The following PALLD variants were observed in gnomAD, a reference collection of about 807,000 sequenced individuals.
PALLD encodes the protein palladin, cytoskeletal associated protein, also known as palladin.
PALLD carries 61 observed loss-of-function variants against 123.5 expected under a neutral mutation model. That is an observed-to-expected ratio of 0.49 (90% CI 0.40 to 0.61). The LOEUF (loss-of-function observed/expected upper bound fraction) is 0.61, where lower values mean the gene tolerates loss of function less well. Ranked by LOEUF, PALLD falls within the 20% of genes least tolerant of loss-of-function variation. The pLI is 0.00. For missense variants in PALLD, 1,273 were observed against 1,377.0 expected (o/e 0.92, Z 1.20); for synonymous variants, 465 against 496.4 (o/e 0.94, Z 0.84).
intron 13 of PALLD, 116 bp downstream of exon 13, chr4:168,896,715 T>A: frequency 3.0e-6 from 2 of 663,934 alleles, no homozygotes; most frequent in South Asian, 3.7e-5. Context: ...ATAAATGCTA[T>A]GACCAGTGTC....
chr4:168,720,133 A>C (rs1386262468), intron 10 of PALLD, among the ~76,000 whole-genome samples: 1 of 152,210 alleles, frequency 6.6e-6, no homozygotes, highest in East Asian at 1.9e-4. Flanking sequence ...ACCTTTGAAT[A>C]ATCTATAACC....
intron 10 of PALLD, among the ~76,000 whole-genome samples, chr4:168,834,630 A>C (rs375909608): frequency 9.9e-5 from 15 of 152,102 alleles, no homozygotes; most frequent in African/African-American, 3.6e-4. Flanking sequence ...CCAGCTACTC[A>C]GGAGGCTGAG....
intron 10 of PALLD, among the ~76,000 whole-genome samples, chr4:168,812,927 C>A (rs1018351853): frequency 6.6e-6 from 1 of 152,072 alleles, no homozygotes; most frequent in East Asian, 1.9e-4. Context: ...TTGTACTGGT[C>A]CCCAGCCCCC....
At chr4:168,670,755 A>G (rs1388928160) in intron 3 of PALLD, among the ~76,000 whole-genome samples, 9 of 99,210 alleles carry the variant, frequency 9.1e-5, no homozygotes, top group Admixed American at 4.7e-4. Context: ...AACAAAAAAA[A>G]CAAAAAAAAC....
chr4:168,810,765 G>A (rs1247582061), intron 10 of PALLD, among the ~76,000 whole-genome samples: 3 of 150,256 alleles, frequency 2.0e-5, no homozygotes, highest in Non-Finnish European at 4.4e-5. Flanking sequence ...CCGAGATTGC[G>A]CCACTGCAGT....
At chr4:168,718,340 A>G (rs1785570840) in intron 10 of PALLD, among the ~76,000 whole-genome samples, 1 of 152,266 alleles carries the variant, frequency 6.6e-6, no homozygotes, top group Admixed American at 6.5e-5. Context: ...AAGCAAAAAC[A>G]AGTTGGGACA....
intron 2 of PALLD, among the ~76,000 whole-genome samples, chr4:168,639,605 G>A (rs2149861359): frequency 6.7e-6 from 1 of 149,784 alleles, no homozygotes; most frequent in South Asian, 2.1e-4. Flanking sequence ...GTGCAGTGGT[G>A]TGATCTTGGC....
chr4:168,894,229 A>T (rs1754638596), intron 11 of PALLD: 1 of 313,548 alleles, frequency 3.2e-6, no homozygotes. Context: ...CTATAAAAAT[A>T]ACATTTCTTT....
In PALLD at chr4:168,921,006, C is replaced by A. The variant is rs141563976; in HGVS notation, c.2851-528C>A. 4.8e-3 allele frequency among the ~76,000 whole-genome samples: 735 copies of A among 152,242 alleles called. 8 individuals carry two copies. Among genetic ancestry groups the A allele is most frequent in the Admixed American group, 5.6e-3 (85 of 15,296 alleles). ...TTTTTAAATCCCATCTCGGTCTTCTCTAGGTTGCTCTGTAAGAATTGTTTA... is the reference window on the plus strand; with the variant it reads ...TTTTTAAATCCCATCTCGGTCTTCTATAGGTTGCTCTGTAAGAATTGTTTA... On this transcript the variant is annotated intron_variant, in intron 17 of 21. Coordinates refer to ENST00000505667, the MANE Select transcript of PALLD (RefSeq NM_001166108.2).
chr4:168,756,922 G>A (rs554529504), intron 10 of PALLD, among the ~76,000 whole-genome samples: 178 of 152,320 alleles, frequency 1.2e-3, no homozygotes, highest in African/African-American at 4.0e-3. Flanking sequence ...GTGAAAAGGG[G>A]TACCCAGTAA....
intron 8 of PALLD, chr4:168,700,591 A>G (rs936521737): frequency 1.3e-5 from 2 of 152,218 alleles, no homozygotes; most frequent in African/African-American, 4.8e-5. Context: ...CATTTATTTA[A>G]ACATAATTAT....
chr4:168,715,568 G>C (rs1488240899), intron 10 of PALLD, among the ~76,000 whole-genome samples: 1 of 152,146 alleles, frequency 6.6e-6, no homozygotes, highest in Non-Finnish European at 1.5e-5. Flanking sequence ...GTTCCTTGCT[G>C]CCCTCTCATT....
chr4:168,595,379 G>A (rs1771875116), intron 2 of PALLD, among the ~76,000 whole-genome samples: 1 of 152,092 alleles, frequency 6.6e-6, no homozygotes, highest in East Asian at 1.9e-4. Flanking sequence ...TAATAAACAT[G>A]GGATGATGCC....
chr4:168,523,744 C>G (rs146902094), intron 2 of PALLD, among the ~76,000 whole-genome samples: 48 of 152,244 alleles, frequency 3.2e-4, no homozygotes, highest in African/African-American at 1.1e-3. Flanking sequence ...AACATTCAAC[C>G]ACCATCATAT....
At chr4:168,690,768 C>T (rs1221757591) in intron 7 of PALLD, 24 bp downstream of exon 7, 2 of 1,612,116 alleles carry the variant, frequency 1.2e-6, no homozygotes, top group Admixed American at 1.7e-5. Flanking sequence ...CCCATGTCCC[C>T]AAATCTGACC....
At chr4:168,838,667 CTTTTTTTTTT>C (rs70961558) in intron 10 of PALLD, among the ~76,000 whole-genome samples, 2 of 88,776 alleles carry the variant, frequency 2.3e-5, no homozygotes, top group Non-Finnish European at 4.1e-5. Flanking sequence ...CTTCTAACTC[CTTTTTTTTTT>C]TTTTTTTTTT....
intron 10 of PALLD, among the ~76,000 whole-genome samples, chr4:168,729,444 G>A (rs1380958080): frequency 6.6e-6 from 1 of 152,084 alleles, no homozygotes; most frequent in African/African-American, 2.4e-5. Flanking sequence ...GATTACAGAT[G>A]TAAGCCACTG....
intron 2 of PALLD, among the ~76,000 whole-genome samples, chr4:168,616,978 A>T (rs1774282740): frequency 6.6e-6 from 1 of 152,180 alleles, no homozygotes; most frequent in African/African-American, 2.4e-5. Flanking sequence ...GCCACCATGG[A>T]GATGCAAGCA....
chr4:168,805,299 C>T (rs564000274), intron 10 of PALLD, among the ~76,000 whole-genome samples: 2 of 152,048 alleles, frequency 1.3e-5, no homozygotes, highest in African/African-American at 2.4e-5. Context: ...ATTTCTAATA[C>T]GGTTTCTTAG....
Sources: allele counts gnomAD v4.1 joint callset (sites outside exome capture counted in the v4.1 genomes callset), GRCh38; gene constraint gnomAD v4.1.1; transcripts MANE v1.5; gene names NCBI Gene and HGNC (gene_info 2026-07-23, HGNC 2026-07-21).